SLC27A6: variants seen among roughly 807,000 people sequenced by gnomAD.
SLC27A6 encodes long-chain fatty acid transport protein 6.
In SLC27A6, 74 loss-of-function variants were observed where a neutral mutation model predicts 63.9. The ratio of observed to expected loss-of-function variants is 1.16; its 90% CI spans 0.96 to 1.40. The LOEUF (loss-of-function observed/expected upper bound fraction) is 1.40, where lower values mean the gene tolerates loss of function less well. SLC27A6 is among the 40% of genes most tolerant of loss of function. The pLI is 0.00. For synonymous variants in SLC27A6, 287 were observed against 260.8 expected (o/e 1.10, Z -0.97); for missense variants, 794 against 732.9 (o/e 1.08, Z -0.96).
At chr5:128,985,701 T>G (rs1750764290) in intron 2 of SLC27A6, among the ~76,000 whole-genome samples, 2 of 152,204 alleles carry the variant, frequency 1.3e-5, no homozygotes, top group African/African-American at 4.8e-5. Flanking sequence ...TCCTCAAATT[T>G]CTGATATCTA....
At chr5:128,981,551 A>G (rs961975886) in intron 1 of SLC27A6, among the ~76,000 whole-genome samples, 1 of 151,432 alleles carries the variant, frequency 6.6e-6, no homozygotes, top group Non-Finnish European at 1.5e-5. Flanking sequence ...AATGGTACAA[A>G]TTTCAGTTTC....
At chr5:128,976,391 A>G (rs1227386145) in intron 1 of SLC27A6, among the ~76,000 whole-genome samples, 2 of 152,184 alleles carry the variant, frequency 1.3e-5, no homozygotes, top group South Asian at 2.1e-4. Context: ...GTGCGTGCCT[A>G]TAATCCCAGC....
In SLC27A6 at chr5:129,029,595, G is replaced by A; in HGVS notation, c.1571G>A (p.Gly524Glu). 6.3e-7 allele frequency: 1 copy of A among 1,580,292 alleles called. No individual in the cohort carries two copies. The highest frequency in any genetic ancestry group is 8.6e-7 in the Non-Finnish European group (1 of 1,166,104). ...VAISGYEGRA[G>E]MASIILKPNT... ...TTTTCAGGTTATGAAGGAAGAGCAG[G>A]AATGGCTTCTATTATTTTAAAACCA... The change falls in exon 9 of 10, where the codon GGA becomes GAA. Residue 524 changes from glycine to glutamate, a missense_variant. Gly to Glu is a moderately conservative substitution (Grantham distance 98). Transcript: ENST00000262462.
At chr5:129,011,609 T>A (rs1248118484) in intron 4 of SLC27A6, among the ~76,000 whole-genome samples, 3 of 152,172 alleles carry the variant, frequency 2.0e-5, no homozygotes, top group Non-Finnish European at 4.4e-5. Context: ...CATAACCTTC[T>A]GTTCACATCT....
chr5:128,989,461 G>T (rs943527273), intron 3 of SLC27A6, among the ~76,000 whole-genome samples: 3 of 152,166 alleles, frequency 2.0e-5, no homozygotes, highest in Admixed American at 2.0e-4. Flanking sequence ...TTTTAGAATA[G>T]AATATTTAGA....
chr5:128,968,146 TAATC>T (rs1437359976), intron 1 of SLC27A6, among the ~76,000 whole-genome samples: 2 of 152,322 alleles, frequency 1.3e-5, no homozygotes, highest in African/African-American at 2.4e-5. Flanking sequence ...CTCATTTTCT[TAATC>T]AAGTCTATCA....
At chr5:128,996,277 A>C (rs180762094) in intron 4 of SLC27A6, among the ~76,000 whole-genome samples, 7 of 152,068 alleles carry the variant, frequency 4.6e-5, no homozygotes, top group Admixed American at 3.9e-4. Flanking sequence ...CTCAAGGCAT[A>C]GTCTATACTT....
At chr5:129,007,574 T>C (rs1238901554) in intron 4 of SLC27A6, among the ~76,000 whole-genome samples, 1 of 151,964 alleles carries the variant, frequency 6.6e-6, no homozygotes, top group Non-Finnish European at 1.5e-5. Context: ...TCAACTTGGT[T>C]AAAAATAAAA....
At chr5:128,979,381 A>G (rs1750504606) in intron 1 of SLC27A6, among the ~76,000 whole-genome samples, 1 of 152,102 alleles carries the variant, frequency 6.6e-6, no homozygotes, top group Non-Finnish European at 1.5e-5. Flanking sequence ...TCTGGCCAAA[A>G]AGAAGAAGGT....
intron 9 of SLC27A6, among the ~76,000 whole-genome samples, chr5:129,030,478 A>G (rs1487392913): frequency 6.6e-6 from 1 of 152,020 alleles, no homozygotes; most frequent in Non-Finnish European, 1.5e-5. Flanking sequence ...TTTGCCAAGC[A>G]ATCATTGCAG....
intron 3 of SLC27A6, among the ~76,000 whole-genome samples, chr5:128,990,041 C>G (rs1337300410): frequency 6.6e-6 from 1 of 152,022 alleles, no homozygotes; most frequent in Non-Finnish European, 1.5e-5. Context: ...AAGGATGACT[C>G]TTATCAATAG....
chr5:129,030,484 T>C (rs1752382935), intron 9 of SLC27A6, among the ~76,000 whole-genome samples: 1 of 152,036 alleles, frequency 6.6e-6, no homozygotes, highest in African/African-American at 2.4e-5. Flanking sequence ...AAGCAATCAT[T>C]GCAGCCAAGT....
intron 5 of SLC27A6, among the ~76,000 whole-genome samples, chr5:129,021,132 G>A (rs1226532671): frequency 6.7e-6 from 1 of 149,672 alleles, no homozygotes; most frequent in Non-Finnish European, 1.5e-5. Flanking sequence ...ACCTCACATT[G>A]TTCATGTGCC....
Position 128,966,301 on chromosome 5 carries a change from CTG to C in SLC27A6, c.167_168del (p.Val56AlafsTer3), listed in dbSNP as rs775171715. On this transcript the variant is annotated frameshift_variant, in exon 1 of 10. Transcript: ENST00000262462. LOFTEE classifies it high-confidence loss of function. ...TATGAAAAGAGAGGGGAGCTGGTGA[CTG>C]TGCTGGATAAATTCTTGAGTCATGC... The C allele has an allele frequency of 1.3e-4, 216 of 1,613,940 alleles. No individual in the cohort carries two copies. The highest frequency in any genetic ancestry group is 1.8e-4 in the Non-Finnish European group (209 of 1,179,978).
chr5:128,968,316 A>G (rs1749991126), intron 1 of SLC27A6, among the ~76,000 whole-genome samples: 1 of 152,154 alleles, frequency 6.6e-6, no homozygotes, highest in African/African-American at 2.4e-5. Context: ...TTCTAGTTCT[A>G]GATCCTTGAG....
Position 129,033,471 on chromosome 5 carries a change from T to A in SLC27A6, c.*189T>A. On this transcript the variant is annotated 3_prime_UTR_variant, in exon 10 of 10. Transcript: ENST00000262462. ...TTAATTGATATAAACAGTAGTTGATTATTCTTTTTATCTATTTGGAGATTC... is the reference window on the plus strand; with the variant it reads ...TTAATTGATATAAACAGTAGTTGATAATTCTTTTTATCTATTTGGAGATTC... 3.3e-6 allele frequency: 1 copy of A among 307,536 alleles called. No individual in the cohort carries two copies. The highest frequency in any genetic ancestry group is 5.9e-6 in the Non-Finnish European group (1 of 168,612). 19.1% of individuals were successfully genotyped at this position (307,536 alleles called of 1,614,324 possible).
chr5:129,008,716 C>G (rs11952143), intron 4 of SLC27A6, among the ~76,000 whole-genome samples: 3,621 of 152,184 alleles, frequency 0.024, 147 homozygotes, highest in African/African-American at 0.083. Context: ...GAGAAAAGAA[C>G]CCTCTGTCTT....
intron 1 of SLC27A6, among the ~76,000 whole-genome samples, chr5:128,968,479 T>C (rs1022230831): frequency 1.3e-5 from 2 of 152,174 alleles, no homozygotes; most frequent in African/African-American, 2.4e-5. Flanking sequence ...TGGTATCTCA[T>C]TGTGGTTTTG....
intron 4 of SLC27A6, among the ~76,000 whole-genome samples, chr5:128,995,367 C>G (rs886247579): frequency 2.0e-5 from 3 of 152,092 alleles, no homozygotes; most frequent in Non-Finnish European, 2.9e-5. Flanking sequence ...ATTAGATATA[C>G]AGGACACACA....
Sources: allele counts gnomAD v4.1 joint callset (sites outside exome capture counted in the v4.1 genomes callset), GRCh38; gene constraint gnomAD v4.1.1; transcripts MANE v1.5; gene names NCBI Gene and HGNC (gene_info 2026-07-23, HGNC 2026-07-21).